The following EFCAB13 variants were observed in gnomAD, a reference collection of about 807,000 sequenced individuals.
EFCAB13 encodes EF-hand calcium binding domain 13.
In EFCAB13, 91 loss-of-function variants were observed where a neutral mutation model predicts 110.2. The observed-to-expected ratio is 0.83, with a 90% CI of 0.70 to 0.98. EFCAB13 has a LOEUF of 0.98. Ranked by LOEUF, EFCAB13 falls within the 50% of genes least tolerant of loss-of-function variation. EFCAB13 has a pLI of 0.00. For synonymous variants in EFCAB13, 323 were observed against 369.9 expected (o/e 0.87, Z 1.45); for missense variants, 968 against 1,119.4 (o/e 0.86, Z 1.93).
chr17:47,399,982 G>A (rs1389656560), intron 17 of EFCAB13, among the ~76,000 whole-genome samples: 2 of 152,140 alleles, frequency 1.3e-5, no homozygotes, highest in Non-Finnish European at 2.9e-5. Flanking sequence ...TGAATCCATA[G>A]GCGAAGAATT....
At chr17:47,414,019 C>T (rs577557955) in intron 22 of EFCAB13, among the ~76,000 whole-genome samples, 5 of 152,264 alleles carry the variant, frequency 3.3e-5, no homozygotes, top group African/African-American at 1.2e-4. Context: ...TTCTGGACCT[C>T]AGTTCCCAGT....
chr17:47,358,403 TTTAA>T, intron 9 of EFCAB13, among the ~76,000 whole-genome samples: 1 of 152,294 alleles, frequency 6.6e-6, no homozygotes, highest in Admixed American at 6.5e-5. Context: ...AACTATCTTG[TTTAA>T]TTATATTTCT....
At chr17:47,414,362 T>A (rs1012460206) in intron 22 of EFCAB13, among the ~76,000 whole-genome samples, 4 of 152,054 alleles carry the variant, frequency 2.6e-5, no homozygotes, top group African/African-American at 9.7e-5. Flanking sequence ...CTCTTAACAT[T>A]TCCTGACTTT....
chr17:47,340,779 T>C (rs2065380069), intron 5 of EFCAB13, among the ~76,000 whole-genome samples: 2 of 142,962 alleles, frequency 1.4e-5, no homozygotes, highest in South Asian at 4.6e-4. Context: ...TTTTTTTTTT[T>C]TTTTTTTTTT....
rs755204273 is a variant in EFCAB13, at chr17:47,341,985, G to T, written c.256G>T (p.Val86Phe). Residue 86 changes from valine (V) to phenylalanine (F), a missense_variant, in exon 6 of 25, where the codon GTT (valine) becomes TTT (phenylalanine). Transcript: ENST00000331493. ...CTCTGATTTTTCAGGAGAAAAAAAA[G>T]TTGGGAGAAAGAGTTTACAAGTACA... Reference protein sequence around the residue: ...KSSDFSGEKKVGRKSLQVQQH... With the variant: ...KSSDFSGEKKFGRKSLQVQQH... 5 of 1,601,050 alleles carry T rather than the reference G, an allele frequency of 3.1e-6. No individual in the cohort carries two copies. The highest frequency in any genetic ancestry group is 4.3e-6 in the Non-Finnish European group (5 of 1,174,950).
At chr17:47,417,279 G>A (rs9915919) in intron 23 of EFCAB13, among the ~76,000 whole-genome samples, 78,582 of 151,864 alleles carry the variant, frequency 0.52, 20,820 homozygotes, top group Middle Eastern at 0.56. Context: ...AGGTGGAGGC[G>A]GTGGAAGAGG....
At position 47,377,375 on chromosome 17, in the gene EFCAB13, C is replaced by T. The variant is rs1015909986; in HGVS notation, c.1373-391C>T. ...CAGGGTTTCACCATGTTGGCCAGGC[C>T]GGTCTCAAACTCTTGACCTCCAATG... On this transcript the variant is annotated intron_variant, in intron 12 of 24. Coordinates refer to ENST00000331493, the MANE Select transcript of EFCAB13 (RefSeq NM_152347.5). Among the ~76,000 whole-genome samples, 5 of 151,918 alleles carry T rather than the reference C, an allele frequency of 3.3e-5. No homozygotes were observed. In the South Asian group the frequency reaches 8.3e-4, roughly 25 times the overall value.
In EFCAB13 at chr17:47,355,346, C is replaced by A. The variant is rs549465050; in HGVS notation, c.662-6032C>A. ...ATCTTGACTTTAGATAACCTGATGA[C>A]TATGTGCCAAGGCAATGATCTTTTT... On this transcript the variant is annotated intron_variant, in intron 9 of 24. Transcript: ENST00000331493. Among the ~76,000 whole-genome samples, 114 of 152,278 alleles carry A rather than the reference C, an allele frequency of 7.5e-4. 1 individual carries two copies. Among genetic ancestry groups the A allele is most frequent in the African/African-American group, 2.7e-3 (111 of 41,550 alleles).
intron 9 of EFCAB13, among the ~76,000 whole-genome samples, chr17:47,349,203 A>G (rs993493406): frequency 6.6e-6 from 1 of 152,204 alleles, no homozygotes; most frequent in African/African-American, 2.4e-5. Flanking sequence ...AGACAATTGG[A>G]AGCACTGAAG....
At position 47,404,507 on chromosome 17, in the gene EFCAB13, T is replaced by G. The variant is rs542824721; in HGVS notation, c.2162-55T>G. ...ATATGCTGATTTTGATACTAGCCTTTAAGTATTACTTTGTCTAGGGGTTCT... is the reference window on the plus strand; with the variant it reads ...ATATGCTGATTTTGATACTAGCCTTGAAGTATTACTTTGTCTAGGGGTTCT... On this transcript the variant is annotated intron_variant, in intron 19 of 24. Transcript: ENST00000331493. 3 of 1,332,930 alleles carry G rather than the reference T, an allele frequency of 2.3e-6. No individual in the cohort carries two copies. In the South Asian group the frequency reaches 3.7e-5, roughly 17 times the overall value. The allele number at this position is 1,332,930 out of a possible 1,614,324, so 82.6% of individuals were successfully genotyped here.
At chr17:47,358,168 C>A (rs1380034120) in intron 9 of EFCAB13, among the ~76,000 whole-genome samples, 1 of 152,056 alleles carries the variant, frequency 6.6e-6, no homozygotes, top group African/African-American at 2.4e-5. Context: ...CCTGAGAATT[C>A]TTTTTATATG....
chr17:47,440,723 A>C lies in EFCAB13; in HGVS notation c.*9A>C, dbSNP rs1157459052. The C allele has an allele frequency of 6.5e-7, 1 of 1,536,810 alleles. No homozygotes were observed. Among genetic ancestry groups the C allele is most frequent in the South Asian group, 1.3e-5 (1 of 76,056 alleles). ...CAAACTCAAAATTTTAGGTAGTCTTACTTGATAGTGCTAGAAAATTACTAG... is the reference window on the plus strand; with the variant it reads ...CAAACTCAAAATTTTAGGTAGTCTTCCTTGATAGTGCTAGAAAATTACTAG... On this transcript the variant is annotated 3_prime_UTR_variant, in exon 25 of 25. Coordinates refer to ENST00000331493, the MANE Select transcript of EFCAB13 (RefSeq NM_152347.5).
At chr17:47,335,453 C>A in intron 5 of EFCAB13, 97 bp downstream of exon 5, 1 of 993,230 alleles carries the variant, frequency 1.0e-6, no homozygotes, top group Non-Finnish European at 1.4e-6. Context: ...CATAATGTAC[C>A]ATGTGTATAG....
At chr17:47,334,164 T>C (rs2065336118) in intron 4 of EFCAB13, among the ~76,000 whole-genome samples, 1 of 152,042 alleles carries the variant, frequency 6.6e-6, no homozygotes, top group African/African-American at 2.4e-5. Flanking sequence ...CTAACAGGTA[T>C]GTAATGATGG....
chr17:47,374,664 C>T lies in EFCAB13; in HGVS notation c.1070C>T (p.Ser357Phe), dbSNP rs199652774. Residue 357 changes from serine to phenylalanine, a missense_variant, in exon 12 of 25, where the codon TCT becomes TTT. Coordinates refer to ENST00000331493, the MANE Select transcript of EFCAB13 (RefSeq NM_152347.5). ...SKIMENDDLE[S>F]KRPKNTWQIR... is the part of the protein sequence containing the mutation. ...ATTATGGAGAATGATGACCTTGAAT[C>T]TAAAAGACCAAAAAATACTTGGCAA... The T allele has an allele frequency of 3.1e-5, 50 of 1,610,766 alleles. No homozygotes were observed. The Middle Eastern group carries it at 6.6e-4, about 21-fold the overall frequency.
intron 24 of EFCAB13, among the ~76,000 whole-genome samples, chr17:47,430,983 GATAA>G (rs1905105298): frequency 6.6e-6 from 1 of 151,688 alleles, no homozygotes; most frequent in East Asian, 1.9e-4. Flanking sequence ...AATTTTTATG[GATAA>G]ATAATTGTTA....
At chr17:47,369,280 T>C (rs549738308) in intron 10 of EFCAB13, among the ~76,000 whole-genome samples, 10 of 152,338 alleles carry the variant, frequency 6.6e-5, no homozygotes, top group Admixed American at 5.2e-4. Context: ...ATGACTGAAC[T>C]TCAGATATCA....
chr17:47,424,674 ACTTCAGCCAGG>A, intron 23 of EFCAB13, among the ~76,000 whole-genome samples: 1 of 151,880 alleles, frequency 6.6e-6, no homozygotes, highest in South Asian at 2.1e-4. Flanking sequence ...TATCACGTAA[ACTTCAGCCAGG>A]CTATAAGTCA....
At chr17:47,414,258 CGT>C (rs368099881) in intron 22 of EFCAB13, among the ~76,000 whole-genome samples, 2 of 149,440 alleles carry the variant, frequency 1.3e-5, no homozygotes, top group Non-Finnish European at 1.5e-5. Flanking sequence ...TGTGCACGTG[CGT>C]GTGTGTGTGT....
Sources: gnomAD v4.1 joint callset for allele counts (sites outside exome capture counted in the v4.1 genomes callset) on GRCh38, gnomAD v4.1.1 for gene constraint, MANE v1.5 for transcripts, NCBI Gene and HGNC (gene_info 2026-07-23, HGNC 2026-07-21) for gene names.